Variants in BNIP5 observed in about 807,000 individuals in gnomAD.
BNIP5 encodes the protein BCL2 interacting protein 5, also known as protein BNIP5.
In BNIP5, 61 loss-of-function variants were observed where a neutral mutation model predicts 67.3. The ratio of observed to expected loss-of-function variants is 0.91; its 90% CI spans 0.74 to 1.12. BNIP5 has a LOEUF of 1.12. Ranked by LOEUF, BNIP5 falls within the 50% of genes most tolerant of loss-of-function variation. The pLI, the probability that BNIP5 is intolerant of heterozygous loss-of-function variation, is 0.00. For synonymous variants in BNIP5, 317 were observed against 319.0 expected, an observed-to-expected ratio of 0.99 and a Z score of 0.07; for missense variants, 826 against 816.3, an observed-to-expected ratio of 1.01 and a Z score of -0.14.
chr6:36,319,653 T>C, intron 10 of BNIP5, 43 bp from the exon 11 acceptor site: 2 of 1,580,746 alleles, frequency 1.3e-6, no homozygotes, highest in Non-Finnish European at 1.7e-6. Context: ...TTGCTGGCAG[T>C]ACCCCTCCCG....
At position 36,330,550 on chromosome 6, in the gene BNIP5, C is replaced by T. The variant is rs772246989; in HGVS notation, c.141G>A (p.Ala47=). Residue 47 remains alanine (A), a synonymous_variant, in exon 2 of 12, where the codon GCG becomes GCA. Coordinates refer to ENST00000437635, the MANE Select transcript of BNIP5 (RefSeq NM_001010903.5). ...CCCAATCACTGGTCGTCCAGTGAAGCGCCTTCCTGGAGGGGGCAGTGGGCA... is the reference window on the plus strand; with the variant it reads ...CCCAATCACTGGTCGTCCAGTGAAGTGCCTTCCTGGAGGGGGCAGTGGGCA... ...LSLPTAPSRK[A]LHWTTSDWAR... 22 of 1,613,788 alleles carry T rather than the reference C, an allele frequency of 1.4e-5. No homozygotes were observed. Among genetic ancestry groups the T allele is most frequent in the African/African-American group, 6.7e-5 (5 of 74,916 alleles).
At chr6:36,325,034 T>C (rs1329416276) in intron 6 of BNIP5, among the ~76,000 whole-genome samples, 1 of 152,120 alleles carries the variant, frequency 6.6e-6, no homozygotes, top group Non-Finnish European at 1.5e-5. Flanking sequence ...GGGCCAGCAC[T>C]TTCCTCCCTT....
chr6:36,328,576 G>A, intron 3 of BNIP5, 22 bp downstream of exon 3: 1 of 1,474,796 alleles, frequency 6.8e-7, no homozygotes, highest in Non-Finnish European at 9.5e-7. Flanking sequence ...AGGCAAAAAG[G>A]TCACTAGAGA....
At chr6:36,322,152 C>G (rs1771649332) in intron 9 of BNIP5, among the ~76,000 whole-genome samples, 159 bp downstream of exon 9, 1 of 152,170 alleles carries the variant, frequency 6.6e-6, no homozygotes, top group Non-Finnish European at 1.5e-5. Context: ...GTTTAAAGGC[C>G]AAGCCTGTGC....
At position 36,319,635 on chromosome 6, in the gene BNIP5, C is replaced by A; in HGVS notation, c.1669-25G>T. The A allele has an allele frequency of 2.5e-6, 4 of 1,599,908 alleles. No homozygotes were observed. The South Asian group carries it at 3.3e-5, about 13-fold the overall frequency. The stretch of plus-strand genomic sequence containing the variant: ...TCTGGAAGTGGAAATGAAAACAGGT[C>A]ATTAGTGTTGCTGGCAGTACCCCTC... On this transcript the variant is annotated intron_variant, in intron 10 of 11. Transcript: ENST00000437635.
chr6:36,320,799 C>T lies in BNIP5; in HGVS notation c.1668+356G>A, dbSNP rs138026606. ...ACCACAGGGAATGGAATCAGCCGGG[C>T]GGGTGGGGCCAGGAGTGGCCAGGTG... On this transcript the variant is annotated intron_variant, in intron 10 of 11. Coordinates refer to ENST00000437635, the MANE Select transcript of BNIP5 (RefSeq NM_001010903.5). Among the ~76,000 whole-genome samples the T allele has an allele frequency of 1.0e-3, 152 of 152,144 alleles. 1 individual carries two copies. Among genetic ancestry groups the T allele is most frequent in the African/African-American group, 3.4e-3 (142 of 41,500 alleles).
At chr6:36,326,987 G>A (rs1771778972) in intron 4 of BNIP5, 43 bp downstream of exon 4, 2 of 1,558,488 alleles carry the variant, frequency 1.3e-6, no homozygotes, top group Non-Finnish European at 8.9e-7. Context: ...AGGAGGAGGA[G>A]AAGGCAGAGA....
At position 36,330,463 on chromosome 6, in the gene BNIP5, G is replaced by C; in HGVS notation, c.228C>G (p.Pro76=). The C allele has an allele frequency of 6.2e-7, 1 of 1,614,174 alleles. No individual in the cohort carries two copies. The highest frequency in any genetic ancestry group is 8.5e-7 in the Non-Finnish European group (1 of 1,180,046). The change falls in exon 2 of 12, where the codon CCC becomes CCG. Residue 76 remains proline (P), a synonymous_variant. Coordinates refer to ENST00000437635, the MANE Select transcript of BNIP5 (RefSeq NM_001010903.5). ...GAAAATCTCCGGTCTCCTCGGGAGT[G>C]GGGGCTGCAGCGGTGGTGCAGTGAG... is the stretch of plus-strand genomic sequence containing the variant. ...AEAHCTTAAA[P]TPEETGDFLP...
At chr6:36,323,659 G>T in intron 7 of BNIP5, 126 bp from the exon 8 acceptor site, 1 of 1,085,412 alleles carries the variant, frequency 9.2e-7, no homozygotes, top group Non-Finnish European at 1.3e-6. Flanking sequence ...GATGCTCAGT[G>T]CTGGGGAAAT....
rs371453854 is a variant in BNIP5 at position 36,320,397 on chromosome 6, A to G, written c.1668+758T>C. On this transcript the variant is annotated intron_variant, in intron 10 of 11. Coordinates refer to ENST00000437635, the MANE Select transcript of BNIP5 (RefSeq NM_001010903.5). Reference sequence around the variant, plus strand: ...CAAAGGCAAGGGAGCTGGGGTCTCTATCCACCAACTCCCACCAGCCATTGG... The same window carrying G: ...CAAAGGCAAGGGAGCTGGGGTCTCTGTCCACCAACTCCCACCAGCCATTGG... 4.1e-4 allele frequency among the ~76,000 whole-genome samples: 63 copies of G among 152,298 alleles called. 1 individual carries two copies. The East Asian group carries it at 8.9e-3, about 21-fold the overall frequency.
chr6:36,331,673 T>C (rs2127371107), intron 1 of BNIP5, among the ~76,000 whole-genome samples: 1 of 152,308 alleles, frequency 6.6e-6, no homozygotes, highest in South Asian at 2.1e-4. Flanking sequence ...CCCTGACTTC[T>C]CTCTTTTTTT....
Position 36,326,520 on chromosome 6 carries a change from G to A in BNIP5, c.1026C>T (p.Ser342=), listed in dbSNP as rs773633799. 1 of 1,614,254 alleles carries A rather than the reference G, an allele frequency of 6.2e-7. No homozygotes were observed. Among genetic ancestry groups the A allele is most frequent in the Non-Finnish European group, 8.5e-7 (1 of 1,180,040 alleles). Residue 342 remains serine (S), a synonymous_variant, in exon 5 of 12, where the codon TCC becomes TCT. Transcript: ENST00000437635. Reference sequence around the variant, plus strand: ...GCAGAGCCTGCTCACCATAGCTGCTGGAGATGGAAGGCCGATGGCCGCTGA... The same window carrying A: ...GCAGAGCCTGCTCACCATAGCTGCTAGAGATGGAAGGCCGATGGCCGCTGA... ...LCVSGHRPSI[S]SSYGLEEPKV...
At chr6:36,321,439 G>A (rs763922230) in intron 9 of BNIP5, among the ~76,000 whole-genome samples, 59 of 152,138 alleles carry the variant, frequency 3.9e-4, no homozygotes, top group Non-Finnish European at 6.3e-4. Context: ...GAAATAGAAG[G>A]GACTCTGGTT....
At chr6:36,320,660 G>A (rs1771613995) in intron 10 of BNIP5, among the ~76,000 whole-genome samples, 1 of 152,236 alleles carries the variant, frequency 6.6e-6, no homozygotes, top group Non-Finnish European at 1.5e-5. Flanking sequence ...TTTTCCAAGG[G>A]TGGGGAACCT....
At chr6:36,319,775 G>T (rs962096274) in intron 10 of BNIP5, among the ~76,000 whole-genome samples, 165 bp from the exon 11 acceptor site, 2 of 152,098 alleles carry the variant, frequency 1.3e-5, no homozygotes, top group African/African-American at 4.8e-5. Context: ...AATCTGTTCT[G>T]CGAGGTCCAG....
In BNIP5 at chr6:36,326,528, A is replaced by C. The variant is rs1338213094; in HGVS notation, c.1018T>G (p.Ser340Ala). The change falls in exon 5 of 12, where the codon TCC (serine) becomes GCC (alanine). Residue 340 changes from serine (S) to alanine (A), a missense_variant. Physicochemically the swap from Ser to Ala is moderately conservative, Grantham distance 99. Coordinates refer to ENST00000437635, the MANE Select transcript of BNIP5 (RefSeq NM_001010903.5). Reference sequence around the variant, plus strand: ...TGCTCACCATAGCTGCTGGAGATGGAAGGCCGATGGCCGCTGACACACAGG... The same window carrying C: ...TGCTCACCATAGCTGCTGGAGATGGCAGGCCGATGGCCGCTGACACACAGG... The part of the protein sequence containing the change: ...LPLCVSGHRP[S>A]ISSSYGLEEP... 1 of 1,614,248 alleles carries C rather than the reference A, an allele frequency of 6.2e-7. No homozygotes were observed. Among genetic ancestry groups the C allele is most frequent in the Non-Finnish European group, 8.5e-7 (1 of 1,180,036 alleles).
At chr6:36,329,601 A>G (rs928651259) in intron 2 of BNIP5, among the ~76,000 whole-genome samples, 10 of 152,122 alleles carry the variant, frequency 6.6e-5, no homozygotes, top group Non-Finnish European at 2.9e-5. Flanking sequence ...ACTTGAGTCC[A>G]GGAGTTCAAG....
intron 7 of BNIP5, 105 bp from the exon 8 acceptor site, chr6:36,323,638 G>T: frequency 2.3e-6 from 3 of 1,319,336 alleles, no homozygotes; most frequent in Non-Finnish European, 3.2e-6. Flanking sequence ...GTTGCCCAGA[G>T]AAGAGTGGTT....
Position 36,317,373 on chromosome 6 carries a change from C to T in BNIP5, c.1942G>A (p.Val648Ile). The change falls in exon 12 of 12, where the codon GTT becomes ATT. Residue 648 changes from valine (V) to isoleucine (I), a missense_variant. Transcript: ENST00000437635. ...CACAGCTTTCAATCTGGACTTTCAA[C>T]CTTAGGACTTGTGATGTTCTGGGAA... ...EDQPNITSPK[V>I]ESPD The T allele has an allele frequency of 1.2e-6, 2 of 1,613,624 alleles. 1 individual carries two copies. The highest frequency in any genetic ancestry group is 1.7e-6 in the Non-Finnish European group (2 of 1,179,544).
Sources: gnomAD v4.1 joint callset for allele counts (sites outside exome capture counted in the v4.1 genomes callset) on GRCh38, gnomAD v4.1.1 for gene constraint, MANE v1.5 for transcripts, NCBI Gene and HGNC (gene_info 2026-07-23, HGNC 2026-07-21) for gene names.